Variants in FREM2 observed in about 807,000 individuals in gnomAD.
FREM2 encodes FRAS1 related extracellular matrix 2.
FREM2 carries 119 observed loss-of-function variants against 219.9 expected under a neutral mutation model. That is an observed-to-expected ratio of 0.54 (90% CI 0.47 to 0.63). The LOEUF (loss-of-function observed/expected upper bound fraction) is 0.63, where lower values mean the gene tolerates loss of function less well. Ranked by LOEUF, FREM2 falls within the 30% of genes least tolerant of loss-of-function variation. The probability of loss-of-function intolerance (pLI) is 0.00; values close to 1 mark genes in which losing one functional copy is unlikely to be tolerated. For synonymous variants in FREM2, 1,562 were observed against 1,522.8 expected (o/e 1.03, Z -0.60); for missense variants, 4,030 against 3,993.6 (o/e 1.01, Z -0.25).
At chr13:38,878,756 AAT>A in intron 22 of FREM2, 73 bp from the exon 23 acceptor site, 1 of 1,406,144 alleles carries the variant, frequency 7.1e-7, no homozygotes, top group Non-Finnish European at 1.0e-6. Flanking sequence ...GCACAAAACA[AAT>A]AGAGAAACAT....
chr13:38,805,521 C>G (rs1468816543), intron 6 of FREM2, among the ~76,000 whole-genome samples: 2 of 151,668 alleles, frequency 1.3e-5, no homozygotes, highest in East Asian at 4.0e-4. Context: ...GGCAATAGGC[C>G]GGTAAAATAC....
chr13:38,696,072 C>T (rs1870095714), intron 1 of FREM2, among the ~76,000 whole-genome samples: 2 of 152,052 alleles, frequency 1.3e-5, no homozygotes, highest in South Asian at 4.1e-4. Flanking sequence ...CTTTGGGAGG[C>T]TGATGTGGGA....
intron 17 of FREM2, among the ~76,000 whole-genome samples, chr13:38,873,518 C>G (rs755927045): frequency 7.9e-5 from 12 of 152,182 alleles, no homozygotes; most frequent in Non-Finnish European, 1.5e-4. Flanking sequence ...AGTTGAATGT[C>G]TGCGAACTCG....
At chr13:38,799,296 C>CTAGAAA (rs1874918572) in intron 6 of FREM2, among the ~76,000 whole-genome samples, 4 of 151,280 alleles carry the variant, frequency 2.6e-5, no homozygotes, top group Admixed American at 2.6e-4. Context: ...TTGTTGATTT[C>CTAGAAA]TAGTTTTATT....
chr13:38,754,406 G>T (rs138539007), intron 2 of FREM2, among the ~76,000 whole-genome samples: 229 of 152,204 alleles, frequency 1.5e-3, no homozygotes, highest in African/African-American at 5.3e-3. Context: ...TTAGAATTAA[G>T]CTAGAATAGC....
chr13:38,778,237 G>T (rs1873957044), intron 4 of FREM2, among the ~76,000 whole-genome samples: 1 of 152,276 alleles, frequency 6.6e-6, no homozygotes, highest in South Asian at 2.1e-4. Flanking sequence ...GCCACAGACT[G>T]GGGTGGCTTA....
At chr13:38,873,630 C>A (rs75187963) in intron 17 of FREM2, among the ~76,000 whole-genome samples, 1 of 110,238 alleles carries the variant, frequency 9.1e-6, no homozygotes, top group African/African-American at 3.6e-5. Flanking sequence ...TCAATCTAAT[C>A]CATTAGTAGG....
chr13:38,688,171 A>G lies in FREM2; in HGVS notation c.827A>G (p.Asn276Ser). 6.2e-7 allele frequency: 1 copy of G among 1,613,554 alleles called. No homozygotes were observed. The change falls in exon 1 of 24, where the codon AAC (asparagine) becomes AGC (serine). Residue 276 changes from asparagine (N) to serine (S), a missense_variant. This residue lies in a region of FREM2 where 3,102 missense variants were observed against 2,950.7 expected (regional missense o/e 1.05). Transcript: ENST00000280481. Reference sequence around the variant, plus strand: ...CACACAGCCGCCAGTCGCTCACCAAACAGGGACTGGATACCCATGGTGGTG... The same window carrying G: ...CACACAGCCGCCAGTCGCTCACCAAGCAGGGACTGGATACCCATGGTGGTG... ...YRHTAASRSP[N>S]RDWIPMVVEL... is the part of the protein sequence containing the mutation.
chr13:38,880,509 A>G lies in FREM2; in HGVS notation c.9232A>G (p.Ile3078Val), dbSNP rs773518333. ...ENSRGTNIQH[I>V]ALDRTKRQIP... ...CAGTCGAGGAACAAACATCCAGCAC[A>G]TTGCCCTGGACCGCACCAAGAGGCA... Residue 3078 changes from isoleucine (I) to valine (V), a missense_variant, in exon 24 of 24, where the codon ATT becomes GTT. Around this residue, in one of 2 missense-constraint regions of FREM2, gnomAD observed 928 missense variants for 1,042.9 expected, o/e 0.89. Coordinates refer to ENST00000280481, the MANE Select transcript of FREM2 (RefSeq NM_207361.6). The G allele has an allele frequency of 1.2e-5, 20 of 1,614,138 alleles. No homozygotes were observed. The highest frequency in any genetic ancestry group is 8.8e-5 in the South Asian group (8 of 91,076).
rs1416409122 is a variant in FREM2, at chr13:38,687,535, C to T, written c.191C>T (p.Ala64Val). The T allele has an allele frequency of 6.2e-7, 1 of 1,600,538 alleles. No individual in the cohort carries two copies. The highest frequency in any genetic ancestry group is 1.1e-5 in the South Asian group (1 of 88,772). ...CTGTCCCCTGGTCTCGCGGGGGCTG[C>T]AGGGGTCCCTGCTGAGGAGGCCATA... ...ALLSPGLAGA[A>V]GVPAEEAIVL... Residue 64 changes from alanine to valine, a missense_variant, in exon 1 of 24, where the codon GCA becomes GTA. By Grantham distance (64) the Ala-to-Val change is moderately conservative (BLOSUM62 0). Transcript: ENST00000280481.
chr13:38,883,774 T>A lies in FREM2; in HGVS notation c.*2987T>A, dbSNP rs1478864112. 2 of 152,326 alleles carry A rather than the reference T, an allele frequency of 1.3e-5. No homozygotes were observed. Among genetic ancestry groups the A allele is most frequent in the African/African-American group, 4.8e-5 (2 of 41,586 alleles). 9.4% of individuals were successfully genotyped at this position (152,326 alleles called of 1,614,324 possible). A position where few individuals can be genotyped will look rare whatever the true frequency, so the allele number is the denominator to read the frequency against. On this transcript the variant is annotated 3_prime_UTR_variant, in exon 24 of 24. Transcript: ENST00000280481. ...TGAACCAAAAACACAACAGTCATTATCTGTGAACCATAATTTAAAAATCTT... is the reference window on the plus strand; with the variant it reads ...TGAACCAAAAACACAACAGTCATTAACTGTGAACCATAATTTAAAAATCTT...
rs200119984 is a variant in FREM2, at chr13:38,764,283, C to T, written c.5264-21C>T. On this transcript the variant is annotated intron_variant, in intron 2 of 23. Transcript: ENST00000280481. ...CATTCAAGAAAGCACTAATTTATGG[C>T]TTTAAATTTTTATTTTCAAGGTGGA... 1.0e-4 allele frequency: 165 copies of T among 1,592,866 alleles called. No homozygotes were observed. The African/African-American group carries it at 2.1e-3, about 20-fold the overall frequency.
intron 6 of FREM2, among the ~76,000 whole-genome samples, chr13:38,828,154 G>A (rs1323076725): frequency 6.6e-6 from 1 of 151,992 alleles, no homozygotes; most frequent in Non-Finnish European, 1.5e-5. Context: ...TATTCCAAAG[G>A]CAGGCTGTCT....
chr13:38,769,057 T>G (rs901931936), intron 3 of FREM2, among the ~76,000 whole-genome samples: 1 of 152,250 alleles, frequency 6.6e-6, no homozygotes, highest in Non-Finnish European at 1.5e-5. Context: ...GGATCTTAGT[T>G]CCATTAAGTG....
At chr13:38,720,538 C>G (rs191868373) in intron 2 of FREM2, among the ~76,000 whole-genome samples, 2 of 152,226 alleles carry the variant, frequency 1.3e-5, no homozygotes, top group African/African-American at 4.8e-5. Context: ...CTAAAGGAAA[C>G]CTAGCAGGAA....
intron 6 of FREM2, among the ~76,000 whole-genome samples, chr13:38,804,163 A>G (rs1435705682): frequency 6.6e-6 from 1 of 152,056 alleles, no homozygotes; most frequent in East Asian, 1.9e-4. Context: ...ATGAGTTTCT[A>G]ATTTCTCCGA....
chr13:38,773,525 G>C (rs1873754524), intron 4 of FREM2, among the ~76,000 whole-genome samples: 3 of 152,098 alleles, frequency 2.0e-5, no homozygotes, highest in African/African-American at 4.8e-5. Context: ...CAAGCACCTA[G>C]TATTAGAGGT....
In FREM2 at chr13:38,844,661, A is replaced by T. The variant is rs371283550; in HGVS notation, c.6020-1912A>T. Among the ~76,000 whole-genome samples, 16 of 152,288 alleles carry T rather than the reference A, an allele frequency of 1.1e-4. No individual in the cohort carries two copies. The South Asian group carries it at 1.7e-3, about 16-fold the overall frequency. ...AGGAAGATGGGGAGGTATCATTGTT[A>T]AATAAAAGGTCCTCCCTTAACTGCA... On this transcript the variant is annotated intron_variant, in intron 6 of 23. Transcript: ENST00000280481.
At chr13:38,752,557 C>T (rs549003401) in intron 2 of FREM2, among the ~76,000 whole-genome samples, 61 of 152,254 alleles carry the variant, frequency 4.0e-4, no homozygotes, top group African/African-American at 1.4e-3. Context: ...CTAATCTCTT[C>T]ATACTAGCCA....
Sources: allele counts gnomAD v4.1 joint callset (sites outside exome capture counted in the v4.1 genomes callset), GRCh38; gene constraint gnomAD v4.1.1; regional missense constraint gnomAD v4.1.1; transcripts MANE v1.5; gene names NCBI Gene and HGNC (gene_info 2026-07-23, HGNC 2026-07-21).